CDH18: variants seen among roughly 807,000 people sequenced by gnomAD.
CDH18 encodes cadherin 18.
In CDH18, 31 loss-of-function variants were observed where a neutral mutation model predicts 67.9. The ratio of observed to expected loss-of-function variants is 0.46; its 90% CI spans 0.34 to 0.62. CDH18 has a LOEUF of 0.62. CDH18 is among the 20% of genes least tolerant of loss of function. The pLI, the probability that CDH18 is intolerant of heterozygous loss-of-function variation, is 0.01. For synonymous variants in CDH18, 362 were observed against 347.2 expected, an observed-to-expected ratio of 1.04 and a Z score of -0.48; for missense variants, 890 against 975.5, an observed-to-expected ratio of 0.91 and a Z score of 1.17.
rs531195635 is a variant in CDH18, at chr5:19,510,157, C to A, written c.1513-7048G>T. ...CAAATACACTTCAGAAAACTGATTT[C>A]GCCAATTGTTGTTTAAATAGAGTTT... On this transcript the variant is annotated intron_variant, in intron 10 of 12. Transcript: ENST00000382275. Among the ~76,000 whole-genome samples the A allele has an allele frequency of 9.9e-5, 15 of 152,232 alleles. No homozygotes were observed. In the South Asian group the frequency reaches 3.1e-3, roughly 32 times the overall value.
chr5:19,709,140 A>ACTGGCACTTACCACTCAC (rs945940316), intron 5 of CDH18, among the ~76,000 whole-genome samples: 3 of 151,898 alleles, frequency 2.0e-5, no homozygotes, highest in African/African-American at 7.3e-5. Flanking sequence ...TTACCCCTCA[A>ACTGGCACTTACCACTCAC]CTGGCACTTA....
At position 20,444,541 on chromosome 5, in the gene CDH18, C is replaced by CAAACA. The variant is rs970027159; in HGVS notation, c.-580+130916_-580+130920dup. On this transcript the variant is annotated intron_variant, in intron 1 of 14. Transcript: ENST00000507958. The stretch of plus-strand genomic sequence containing the variant: ...AACAGAGCAAGCCTCTGTCTCAAAA[C>CAAACA]AAACAAAACAAAACAAACAAACAAA... Among the ~76,000 whole-genome samples the CAAACA allele has an allele frequency of 2.6e-5, 4 of 152,132 alleles. No homozygotes were observed. The South Asian group carries it at 8.3e-4, about 32-fold the overall frequency.
intron 5 of CDH18, among the ~76,000 whole-genome samples, chr5:19,705,144 C>G (rs1014489925): frequency 6.6e-6 from 1 of 152,120 alleles, no homozygotes; most frequent in East Asian, 1.9e-4. Flanking sequence ...ACAGTGTTAC[C>G]TTATTACGTG....
intron 1 of CDH18, among the ~76,000 whole-genome samples, chr5:20,286,517 A>G (rs1460378299): frequency 1.3e-5 from 2 of 151,766 alleles, no homozygotes; most frequent in Non-Finnish European, 3.0e-5. Flanking sequence ...CATACATAAA[A>G]TATAGACCTT....
At chr5:19,632,074 T>C (rs1460553537) in intron 5 of CDH18, among the ~76,000 whole-genome samples, 2 of 152,194 alleles carry the variant, frequency 1.3e-5, no homozygotes, top group Non-Finnish European at 2.9e-5. Context: ...GACATTACAT[T>C]AGTCAGTTTA....
At chr5:20,329,768 CAAAAAAAAAAAAAA>C (rs60246535) in intron 1 of CDH18, among the ~76,000 whole-genome samples, 1 of 62,568 alleles carries the variant, frequency 1.6e-5, no homozygotes, top group Non-Finnish European at 2.8e-5. Context: ...GAAACTCCAT[CAAAAAAAAAAAAAA>C]AAAAAAAAAA....
chr5:19,977,297 G>A (rs530266868), intron 2 of CDH18, among the ~76,000 whole-genome samples: 12 of 152,176 alleles, frequency 7.9e-5, no homozygotes, highest in Admixed American at 4.6e-4. Context: ...ATGTAATCTC[G>A]GCAAACTGGT....
At position 20,115,270 on chromosome 5, in the gene CDH18, CTTTTTTTT is replaced by C. The variant is rs753438800; in HGVS notation, c.-517-123264_-517-123257del. 4.6e-3 allele frequency among the ~76,000 whole-genome samples: 269 copies of C among 58,148 alleles called. 1 individual carries two copies. The highest frequency in any genetic ancestry group is 6.7e-3 in the Non-Finnish European group (236 of 35,250). 38.1% of individuals were successfully genotyped at this position (58,148 alleles called of 152,430 possible). A position where few individuals can be genotyped will look rare whatever the true frequency, so the allele number is the denominator to read the frequency against. On this transcript the variant is annotated intron_variant, in intron 2 of 14. Coordinates refer to the CDH18 transcript ENST00000507958. ...TGGGGCTCCACTCTCAGGGCCTCAT[CTTTTTTTT>C]TTTTTTTTTTTTTTTTTTTGAGACG...
At chr5:20,112,505 A>G (rs1747562269) in intron 2 of CDH18, among the ~76,000 whole-genome samples, 1 of 152,156 alleles carries the variant, frequency 6.6e-6, no homozygotes, top group Non-Finnish European at 1.5e-5. Flanking sequence ...GTGCTTTATA[A>G]GTTAGAGGAA....
At chr5:20,369,830 T>G (rs983146923) in intron 1 of CDH18, among the ~76,000 whole-genome samples, 4 of 152,208 alleles carry the variant, frequency 2.6e-5, no homozygotes, top group African/African-American at 9.6e-5. Flanking sequence ...TTTATAAAAA[T>G]GAAGTAACTT....
At chr5:19,860,886 T>C (rs1190360455) in intron 2 of CDH18, among the ~76,000 whole-genome samples, 2 of 152,152 alleles carry the variant, frequency 1.3e-5, no homozygotes, top group African/African-American at 4.8e-5. Context: ...AAATTACTTG[T>C]TTCTTTTTCA....
Position 20,382,285 on chromosome 5 carries a change from T to C in CDH18, c.-579-126780A>G, listed in dbSNP as rs1743970924. 3.3e-5 allele frequency among the ~76,000 whole-genome samples: 5 copies of C among 152,208 alleles called. No individual in the cohort carries two copies. The South Asian group carries it at 1.0e-3, about 32-fold the overall frequency. Reference sequence around the variant, plus strand: ...TGGCATTTTTCTTAACATTTATTTATATAAATACTGAGACTTTACATTGGA... The same window carrying C: ...TGGCATTTTTCTTAACATTTATTTACATAAATACTGAGACTTTACATTGGA... On this transcript the variant is annotated intron_variant, in intron 1 of 14. Transcript: ENST00000507958.
chr5:20,320,294 T>C (rs1437089677), intron 1 of CDH18, among the ~76,000 whole-genome samples: 2 of 152,142 alleles, frequency 1.3e-5, no homozygotes, highest in South Asian at 2.1e-4. Flanking sequence ...TTTACTTAGA[T>C]AAACCTTGGT....
At chr5:19,877,906 T>C (rs1015735034) in intron 2 of CDH18, 9 of 152,152 alleles carry the variant, frequency 5.9e-5, no homozygotes, top group Non-Finnish European at 1.5e-5. Flanking sequence ...TCATAATACA[T>C]GTGAAGCATT....
intron 11 of CDH18, among the ~76,000 whole-genome samples, chr5:19,499,685 T>G (rs1742920247): frequency 6.6e-6 from 1 of 152,182 alleles, no homozygotes; most frequent in African/African-American, 2.4e-5. Flanking sequence ...TGTCATAATT[T>G]ATGCATTTTT....
At chr5:19,818,503 T>G (rs902011736) in intron 3 of CDH18, among the ~76,000 whole-genome samples, 1 of 152,226 alleles carries the variant, frequency 6.6e-6, no homozygotes, top group South Asian at 2.1e-4. Flanking sequence ...TTTAAAATTA[T>G]AGTGACTAAT....
At chr5:20,178,287 G>A (rs1048524902) in intron 2 of CDH18, among the ~76,000 whole-genome samples, 4 of 151,820 alleles carry the variant, frequency 2.6e-5, no homozygotes, top group African/African-American at 7.3e-5. Flanking sequence ...TCTCAGCCTC[G>A]ACAATCACAT....
intron 2 of CDH18, among the ~76,000 whole-genome samples, chr5:20,108,751 T>G (rs1157316888): frequency 6.6e-6 from 1 of 152,154 alleles, no homozygotes; most frequent in African/African-American, 2.4e-5. Flanking sequence ...CTTCTGCCAT[T>G]ATCATCCTTA....
chr5:20,005,604 AT>A (rs1264500896), intron 2 of CDH18, among the ~76,000 whole-genome samples: 1 of 151,930 alleles, frequency 6.6e-6, no homozygotes, highest in African/African-American at 2.4e-5. Flanking sequence ...ATACATATAC[AT>A]ATACATATGC....
Sources: gnomAD v4.1 joint callset for allele counts (sites outside exome capture counted in the v4.1 genomes callset) on GRCh38, gnomAD v4.1.1 for gene constraint, MANE v1.5 for transcripts, NCBI Gene and HGNC (gene_info 2026-07-23, HGNC 2026-07-21) for gene names.